EGFLAM: variants seen among roughly 807,000 people sequenced by gnomAD.
EGFLAM encodes EGF like, fibronectin type III and laminin G domains.
EGFLAM carries 79 observed loss-of-function variants against 113.1 expected under a neutral mutation model. The ratio of observed to expected loss-of-function variants is 0.70; its 90% CI spans 0.58 to 0.84. The LOEUF (loss-of-function observed/expected upper bound fraction) is 0.84. Ranked by LOEUF, EGFLAM falls within the 40% of genes least tolerant of loss-of-function variation. EGFLAM has a pLI of 0.00. For synonymous variants in EGFLAM, 504 were observed against 487.6 expected, an observed-to-expected ratio of 1.03 and a Z score of -0.44; for missense variants, 1,265 against 1,291.6, an observed-to-expected ratio of 0.98 and a Z score of 0.32.
chr5:38,277,575 A>G (rs1757916850), intron 1 of EGFLAM, among the ~76,000 whole-genome samples: 1 of 147,956 alleles, frequency 6.8e-6, no homozygotes, highest in Non-Finnish European at 1.5e-5. Flanking sequence ...ATTAGGCAAG[A>G]TAAAGAAATA....
chr5:38,344,272 G>A (rs976869866), intron 3 of EGFLAM, among the ~76,000 whole-genome samples: 5 of 152,200 alleles, frequency 3.3e-5, no homozygotes, highest in African/African-American at 1.2e-4. Flanking sequence ...GATCACCTGA[G>A]GTCAGGAGTT....
chr5:38,366,683 T>A (rs917210937), intron 5 of EGFLAM, among the ~76,000 whole-genome samples: 5 of 152,200 alleles, frequency 3.3e-5, no homozygotes, highest in Non-Finnish European at 7.4e-5. Context: ...TCAGTGACCA[T>A]GTAGGTAGAA....
At chr5:38,436,025 C>T (rs575995863) in intron 16 of EGFLAM, among the ~76,000 whole-genome samples, 2 of 152,120 alleles carry the variant, frequency 1.3e-5, no homozygotes, top group South Asian at 2.1e-4. Flanking sequence ...ACCATGTTGG[C>T]CAGGCTGGTC....
At chr5:38,451,177 C>T (rs1053744822) in intron 18 of EGFLAM, 138 bp from the exon 19 acceptor site, 44 of 1,157,714 alleles carry the variant, frequency 3.8e-5, no homozygotes, top group Admixed American at 2.5e-4. Flanking sequence ...TGGTGCGACT[C>T]GTGGTAATGA....
chr5:38,289,691 C>T (rs905771603), intron 1 of EGFLAM, among the ~76,000 whole-genome samples: 2 of 152,128 alleles, frequency 1.3e-5, no homozygotes, highest in Non-Finnish European at 2.9e-5. Context: ...GGGCTTGGAA[C>T]GCATGGAGAA....
chr5:38,335,734 G>C (rs939408516), intron 1 of EGFLAM, among the ~76,000 whole-genome samples: 1 of 152,152 alleles, frequency 6.6e-6, no homozygotes, highest in African/African-American at 2.4e-5. Flanking sequence ...GGTTCCTGCT[G>C]ACAGCACTGG....
chr5:38,397,063 T>C (rs1740980614), intron 6 of EGFLAM, among the ~76,000 whole-genome samples: 1 of 152,230 alleles, frequency 6.6e-6, no homozygotes, highest in Admixed American at 6.5e-5. Context: ...GATAAAGGCA[T>C]CTGAGAAGCT....
chr5:38,339,361 C>T (rs1278863594), intron 3 of EGFLAM, among the ~76,000 whole-genome samples: 1 of 152,080 alleles, frequency 6.6e-6, no homozygotes, highest in Non-Finnish European at 1.5e-5. Context: ...TTTTCTTTCA[C>T]TCCCCTCCTC....
chr5:38,375,222 ATATTTCGGTATAGCCCTAG>A (rs1223597773), intron 6 of EGFLAM, among the ~76,000 whole-genome samples: 1 of 152,070 alleles, frequency 6.6e-6, no homozygotes, highest in Non-Finnish European at 1.5e-5. Flanking sequence ...GTCAACCCGT[ATATTTCGGTATAGCCCTAG>A]TATTTTACAG....
At position 38,262,034 on chromosome 5, in the gene EGFLAM, A is replaced by G. The variant is rs370692382; in HGVS notation, c.97+3183A>G. ...TTCATTCCTTTTCAGACTACAAATT[A>G]GAATCATAGGCCTGGAAAGAAGTGA... On this transcript the variant is annotated intron_variant, in intron 1 of 21. Coordinates refer to ENST00000322350, the MANE Select transcript of EGFLAM (RefSeq NM_152403.4). Among the ~76,000 whole-genome samples, 4 of 152,346 alleles carry G rather than the reference A, an allele frequency of 2.6e-5. No homozygotes were observed. In the East Asian group the frequency reaches 7.7e-4, roughly 29 times the overall value.
At chr5:38,259,778 T>C (rs1757453129) in intron 1 of EGFLAM, among the ~76,000 whole-genome samples, 1 of 152,236 alleles carries the variant, frequency 6.6e-6, no homozygotes, top group Non-Finnish European at 1.5e-5. Flanking sequence ...TTACTTTTAT[T>C]TGAATGCAGT....
At chr5:38,262,176 T>G (rs1055185341) in intron 1 of EGFLAM, among the ~76,000 whole-genome samples, 4 of 152,178 alleles carry the variant, frequency 2.6e-5, no homozygotes, top group African/African-American at 9.6e-5. Context: ...GTCTCTAGCC[T>G]AGTGCTGGTC....
chr5:38,424,906 G>T, intron 12 of EGFLAM, 61 bp from the exon 13 acceptor site: 1 of 1,587,444 alleles, frequency 6.3e-7, no homozygotes, highest in Non-Finnish European at 8.6e-7. Context: ...TGGGGTCAGC[G>T]CCACTGTGTT....
Position 38,348,779 on chromosome 5 carries a change from G to A in EGFLAM, c.292-1722G>A, listed in dbSNP as rs148276333. On this transcript the variant is annotated intron_variant, in intron 3 of 21. Transcript: ENST00000322350. ...AGCATAGTAAATACAGAAGGATCTGGTAGATACTGGATCTAGGGGGATCAG... is the reference window on the plus strand; with the variant it reads ...AGCATAGTAAATACAGAAGGATCTGATAGATACTGGATCTAGGGGGATCAG... Among the ~76,000 whole-genome samples, 296 of 152,182 alleles carry A rather than the reference G, an allele frequency of 1.9e-3. 1 individual carries two copies. The highest frequency in any genetic ancestry group is 6.6e-3 in the African/African-American group (276 of 41,510).
intron 20 of EGFLAM, among the ~76,000 whole-genome samples, chr5:38,461,941 G>A (rs904960672): frequency 2.0e-5 from 3 of 151,990 alleles, no homozygotes; most frequent in South Asian, 2.1e-4. Flanking sequence ...CGAGGAGGGC[G>A]GATCACTAGG....
At chr5:38,329,327 AAATAAATAAATT>A (rs1427223107) in intron 1 of EGFLAM, among the ~76,000 whole-genome samples, 2 of 108,902 alleles carry the variant, frequency 1.8e-5, no homozygotes, top group Non-Finnish European at 4.1e-5. Flanking sequence ...ATAAATAAAT[AAATAAATAAATT>A]TTAAAAGTCT....
intron 1 of EGFLAM, among the ~76,000 whole-genome samples, chr5:38,331,459 C>T (rs1161916092): frequency 1.3e-5 from 2 of 152,066 alleles, no homozygotes; most frequent in Admixed American, 1.3e-4. Flanking sequence ...TTTCCTTTTC[C>T]AGAATGTCAT....
At chr5:38,276,158 A>G (rs1461074405) in intron 1 of EGFLAM, among the ~76,000 whole-genome samples, 2 of 152,164 alleles carry the variant, frequency 1.3e-5, no homozygotes, top group East Asian at 1.9e-4. Context: ...GCAGTCAAAA[A>G]GAGCTTGTGC....
chr5:38,328,476 G>A (rs1284139229), intron 1 of EGFLAM, among the ~76,000 whole-genome samples: 1 of 152,080 alleles, frequency 6.6e-6, no homozygotes, highest in Non-Finnish European at 1.5e-5. Flanking sequence ...GGATAAGAAC[G>A]GATTTATGGC....
Sources: gnomAD v4.1 joint callset for allele counts (sites outside exome capture counted in the v4.1 genomes callset) on GRCh38, gnomAD v4.1.1 for gene constraint, MANE v1.5 for transcripts, NCBI Gene and HGNC (gene_info 2026-07-23, HGNC 2026-07-21) for gene names.